The following A1BG variants were observed in gnomAD, a reference collection of about 807,000 sequenced individuals.
The protein encoded by A1BG is alpha-1B-glycoprotein.
Under a neutral mutation model 46.0 loss-of-function variants are expected in A1BG, and 44 were observed. That is an observed-to-expected ratio of 0.96 (90% CI 0.75 to 1.23). The LOEUF (loss-of-function observed/expected upper bound fraction) is 1.23. A1BG is among the 50% of genes most tolerant of loss of function. A1BG has a pLI of 0.00. For missense variants in A1BG, 707 were observed against 688.8 expected (o/e 1.03, Z -0.30); for synonymous variants, 316 against 314.7 (o/e 1.00, Z -0.04).
At chr19:58,351,366 C>T (rs1262310029) in intron 5 of A1BG, 25 bp downstream of exon 5, 4 of 1,603,482 alleles carry the variant, frequency 2.5e-6, no homozygotes, top group Middle Eastern at 1.8e-4. Flanking sequence ...CAGCCGCGTC[C>T]CTGTCCCTGC....
At chr19:58,351,236 A>G in intron 5 of A1BG, 155 bp downstream of exon 5, 1 of 925,962 alleles carries the variant, frequency 1.1e-6, no homozygotes, top group Non-Finnish European at 1.7e-6. Flanking sequence ...TCATCATCAT[A>G]TTTGCAGTTT....
At chr19:58,352,903 GCCC>G in intron 3 of A1BG, 22 bp downstream of exon 3, 1 of 1,597,972 alleles carries the variant, frequency 6.3e-7, no homozygotes, top group Non-Finnish European at 8.5e-7. Flanking sequence ...CTGCCTCCTG[GCCC>G]CCAATTCATG....
intron 6 of A1BG, chr19:58,347,890 T>G: frequency 3.2e-6 from 1 of 312,280 alleles, no homozygotes. Context: ...AAGTCCCAGA[T>G]TCGGGCCTGC....
intron 5 of A1BG, 46 bp from the exon 6 acceptor site, chr19:58,350,697 C>A: frequency 7.5e-7 from 1 of 1,331,878 alleles, no homozygotes; most frequent in South Asian, 2.0e-5. Context: ...GCGGCTGGCT[C>A]GGCCCTAACG....
intron 6 of A1BG, 175 bp downstream of exon 6, chr19:58,350,183 AAGCCGAAATTCC>A: frequency 1.3e-6 from 1 of 758,554 alleles, no homozygotes; most frequent in Non-Finnish European, 2.0e-6. Flanking sequence ...CGTGGGAAAT[AAGCCGAAATTCC>A]AGGCGTCCCC....
At chr19:58,347,207 C>T (rs1600501957) in intron 7 of A1BG, 146 bp downstream of exon 7, 6 of 1,375,120 alleles carry the variant, frequency 4.4e-6, no homozygotes, top group Non-Finnish European at 5.9e-6. Flanking sequence ...GTTCCTCGCC[C>T]GCAATTCCCC....
intron 6 of A1BG, 37 bp from the exon 7 acceptor site, chr19:58,347,677 C>CCCCATGCCGCG: frequency 1.3e-5 from 9 of 671,752 alleles, no homozygotes; most frequent in South Asian, 2.9e-5. Flanking sequence ...CCAGGCCACG[C>CCCCATGCCGCG]CCCAGGCCAC....
chr19:58,347,125 G>T, intron 7 of A1BG, 96 bp from the exon 8 acceptor site: 2 of 1,507,418 alleles, frequency 1.3e-6, no homozygotes, highest in Non-Finnish European at 1.8e-6. Flanking sequence ...CGCCCCCCCG[G>T]AAGGAAGCGC....
Position 58,347,401 on chromosome 19 carries a change from G to A in A1BG, c.1432C>T (p.His478Tyr), listed in dbSNP as rs890854697. ...YRCRYRSWVP[H>Y]TFESELSDPV... ...TCGCTGAGCTCCGATTCGAAGGTGT[G>A]GGGCACCCAGGAGCGGTAGCGGCAC... is the stretch of plus-strand genomic sequence containing the variant. The change falls in exon 7 of 8, where the codon CAC (histidine) becomes TAC (tyrosine). Residue 478 changes from histidine (H) to tyrosine (Y), a missense_variant. His to Tyr is a moderately conservative substitution (Grantham distance 83, BLOSUM62 2). Coordinates refer to ENST00000263100, the MANE Select transcript of A1BG (RefSeq NM_130786.4). 6.8e-6 allele frequency: 11 copies of A among 1,612,026 alleles called. No individual in the cohort carries two copies. Among genetic ancestry groups the A allele is most frequent in the Non-Finnish European group, 8.5e-7 (1 of 1,179,666 alleles).
In A1BG at chr19:58,352,958, G is replaced by C; in HGVS notation, c.310C>G (p.Leu104Val). The change falls in exon 3 of 8, where the codon CTG (leucine) becomes GTG (valine). Residue 104 changes from leucine to valine, a missense_variant. Transcript: ENST00000263100. ...CCTGTCAGCTCCAGGAGCTTGCTCA[G>C]CTGGGTCCATCCTGTGGACAAGCCC... ...RSGLSTGWTQ[L>V]SKLLELTGPK... 1 of 1,613,728 alleles carries C rather than the reference G, an allele frequency of 6.2e-7. No homozygotes were observed. The highest frequency in any genetic ancestry group is 8.5e-7 in the Non-Finnish European group (1 of 1,179,996).
Position 58,352,966 on chromosome 19 carries a change from C to T in A1BG, c.302G>A (p.Trp101Ter). Reference protein sequence around the residue: ...YRCRSGLSTGWTQLSKLLELT... With the variant: ...YRCRSGLSTG ...CTCCAGGAGCTTGCTCAGCTGGGTCCATCCTGTGGACAAGCCCGAGCGGCA... is the reference window on the plus strand; with the variant it reads ...CTCCAGGAGCTTGCTCAGCTGGGTCTATCCTGTGGACAAGCCCGAGCGGCA... Residue 101 changes from tryptophan to a stop codon, truncating the protein, a stop_gained, in exon 3 of 8, where the codon TGG becomes TAG. Transcript: ENST00000263100. LOFTEE classifies it high-confidence loss of function. The T allele has an allele frequency of 6.2e-7, 1 of 1,613,872 alleles. No individual in the cohort carries two copies. The highest frequency in any genetic ancestry group is 8.5e-7 in the Non-Finnish European group (1 of 1,180,022).
intron 4 of A1BG, 186 bp from the exon 5 acceptor site, chr19:58,351,873 G>T (rs1268057083): frequency 1.1e-5 from 8 of 714,422 alleles, no homozygotes; most frequent in Non-Finnish European, 1.8e-5. Flanking sequence ...TCAGCTCACT[G>T]CAAGCTCTGC....
Position 58,347,425 on chromosome 19 carries a change from A to G in A1BG, c.1408T>C (p.Cys470Arg). 1 of 1,610,666 alleles carries G rather than the reference A, an allele frequency of 6.2e-7. No homozygotes were observed. The highest frequency in any genetic ancestry group is 8.5e-7 in the Non-Finnish European group (1 of 1,178,794). ...TGGGGCACCCAGGAGCGGTAGCGGC[A>G]CCTGTAGTTGCCGGCGTGCTGGGGC... ...VGPQHAGNYR[C>R]RYRSWVPHTF... Residue 470 changes from cysteine (C) to arginine (R), a missense_variant, in exon 7 of 8, where the codon TGC (cysteine) becomes CGC (arginine). By Grantham distance (180) the Cys-to-Arg change is radical. Transcript: ENST00000263100.
In A1BG at chr19:58,346,297, G is replaced by T. The variant is rs1016568767; in HGVS notation, c.*725C>A. The T allele has an allele frequency of 3.9e-5, 6 of 153,786 alleles. No individual in the cohort carries two copies. Among genetic ancestry groups the T allele is most frequent in the African/African-American group, 1.4e-4 (6 of 41,458 alleles). 9.5% of individuals were successfully genotyped at this position (153,786 alleles called of 1,614,324 possible). A position where few individuals can be genotyped will look rare whatever the true frequency, so the allele number is the denominator to read the frequency against. ...GCCCTGAGAAGTGTTGGTTGGCCAG[G>T]TGCTGTGGCTCACACCTGTAATCCC... is the stretch of plus-strand genomic sequence containing the variant. On this transcript the variant is annotated 3_prime_UTR_variant, in exon 8 of 8. Coordinates refer to ENST00000263100, the MANE Select transcript of A1BG (RefSeq NM_130786.4).
At chr19:58,347,300 C>T in intron 7 of A1BG, 53 bp downstream of exon 7, 1 of 1,604,706 alleles carries the variant, frequency 6.2e-7, no homozygotes, top group Non-Finnish European at 8.5e-7. Context: ...TGGGCACAGC[C>T]CAGGCAAACA....
intron 7 of A1BG, 126 bp from the exon 8 acceptor site, chr19:58,347,155 G>C (rs1345983194): frequency 7.3e-7 from 1 of 1,367,278 alleles, no homozygotes; most frequent in African/African-American, 1.5e-5. Flanking sequence ...TGCCAGCCGA[G>C]ACCCCCATCT....
At position 58,353,451 on chromosome 19, in the gene A1BG, A is replaced by C; in HGVS notation, c.-14T>G. ...GAGCATGGACATGATGGTCGCGCTC[A>C]CTCCGGTGCAGTGAGTGTCTGGGGT... On this transcript the variant is annotated 5_prime_UTR_variant, in exon 1 of 8. Transcript: ENST00000263100. 6.2e-7 allele frequency: 1 copy of C among 1,604,242 alleles called. No homozygotes were observed. Among genetic ancestry groups the C allele is most frequent in the Non-Finnish European group, 8.5e-7 (1 of 1,175,298 alleles).
chr19:58,351,001 G>A (rs1212595985), intron 5 of A1BG: 6 of 419,424 alleles, frequency 1.4e-5, no homozygotes, highest in Non-Finnish European at 2.6e-5. Flanking sequence ...GCCCCACGGA[G>A]GGGCCCCTGT....
chr19:58,347,633 A>AGGGGGTCCTGGGC lies in A1BG; in HGVS notation c.1193-6_1199dup (p.Pro403ThrfsTer145), dbSNP rs2051924085. ...ACGTCGCCCGGAGCTGAGGCCTGGG[A>AGGGGGTCCTGGGC]GGGGGTCCTGGGCGGAGCGGGCGGG... On this transcript the variant is annotated frameshift_variant, in exon 7 of 8. Coordinates refer to ENST00000263100, the MANE Select transcript of A1BG (RefSeq NM_130786.4). LOFTEE classifies it high-confidence loss of function. 2 of 1,439,134 alleles carry AGGGGGTCCTGGGC rather than the reference A, an allele frequency of 1.4e-6. No individual in the cohort carries two copies. Among genetic ancestry groups the AGGGGGTCCTGGGC allele is most frequent in the African/African-American group, 1.6e-5 (1 of 63,476 alleles). 89.1% of individuals were successfully genotyped at this position (1,439,134 alleles called of 1,614,324 possible).
Sources: gnomAD v4.1 joint callset for allele counts on GRCh38, gnomAD v4.1.1 for gene constraint, MANE v1.5 for transcripts, NCBI Gene and HGNC (gene_info 2026-07-23, HGNC 2026-07-21) for gene names.